The following MDN1 variants were observed in gnomAD, a reference collection of about 807,000 sequenced individuals.
The protein encoded by MDN1 is midasin.
MDN1 carries 266 observed loss-of-function variants against 669.2 expected under a neutral mutation model. The ratio of observed to expected loss-of-function variants is 0.40; its 90% CI spans 0.36 to 0.44. The LOEUF (loss-of-function observed/expected upper bound fraction) is 0.44, where lower values mean the gene tolerates loss of function less well. Among genes scored for constraint, MDN1 ranks in the 20% least tolerant of loss-of-function variants. The pLI, the probability that MDN1 is intolerant of heterozygous loss-of-function variation, is 1.00. For missense variants in MDN1, 5,940 were observed against 6,754.0 expected, an observed-to-expected ratio of 0.88 and a Z score of 4.22; for synonymous variants, 2,385 against 2,457.1, an observed-to-expected ratio of 0.97 and a Z score of 0.87.
chr6:89,676,608 G>A lies in MDN1; in HGVS notation c.12540-401C>T, dbSNP rs538093833. On this transcript the variant is annotated intron_variant, in intron 76 of 101. Transcript: ENST00000369393. Reference sequence around the variant, plus strand: ...GGTTGTTGAGGGCTCAAGTAAGCTGGAGAGCATGTGTCCTATCAAAAGGAG... The same window carrying A: ...GGTTGTTGAGGGCTCAAGTAAGCTGAAGAGCATGTGTCCTATCAAAAGGAG... 1.4e-4 allele frequency among the ~76,000 whole-genome samples: 21 copies of A among 152,322 alleles called. 1 individual carries two copies. The South Asian group carries it at 3.7e-3, about 27-fold the overall frequency.
intron 44 of MDN1, 109 bp from the exon 45 acceptor site, chr6:89,715,878 C>T (rs1251694608): frequency 1.3e-6 from 1 of 746,254 alleles, no homozygotes; most frequent in Non-Finnish European, 2.4e-6. Context: ...CCTTTCGGCA[C>T]AATCATTCAC....
Position 89,683,208 on chromosome 6 carries a change from G to T in MDN1, c.12026C>A (p.Ala4009Glu), listed in dbSNP as rs1434266848. ...ATTCTGAATGGAAGACAGTTCACTT[G>T]CAGCTCCATCTGTTGGCCTGGGCAA... Reference protein sequence around the residue: ...DFLPRPTDGAASELSSIQNLN... With the variant: ...DFLPRPTDGAESELSSIQNLN... The change falls in exon 73 of 102, where the codon GCA becomes GAA. Residue 4009 changes from alanine (A) to glutamate (E), a missense_variant. Physicochemically the swap from Ala to Glu is moderately radical, Grantham distance 107. This residue lies in a region of MDN1 where 2,280 missense variants were observed against 2,576.3 expected (regional missense o/e 0.88). Transcript: ENST00000369393. 1 of 1,614,002 alleles carries T rather than the reference G, an allele frequency of 6.2e-7. No individual in the cohort carries two copies. The highest frequency in any genetic ancestry group is 8.5e-7 in the Non-Finnish European group (1 of 1,180,030).
At chr6:89,737,386 A>T (rs991715772) in intron 33 of MDN1, among the ~76,000 whole-genome samples, 2 of 152,118 alleles carry the variant, frequency 1.3e-5, no homozygotes. Flanking sequence ...CAAGAAGCAG[A>T]TATCTTTTTT....
chr6:89,747,237 G>C, intron 27 of MDN1, 92 bp downstream of exon 27: 1 of 1,409,200 alleles, frequency 7.1e-7, no homozygotes, highest in Non-Finnish European at 9.7e-7. Flanking sequence ...TCAAATGTAT[G>C]TATCAATCAC....
chr6:89,696,910 G>GT, intron 59 of MDN1, among the ~76,000 whole-genome samples: 1 of 152,310 alleles, frequency 6.6e-6, no homozygotes, highest in Middle Eastern at 3.4e-3. Context: ...AGAGACAGAT[G>GT]TAAGAGCCAG....
rs779363474 is a variant in MDN1, at chr6:89,680,720, G to T, written c.12134C>A (p.Ala4045Asp). The change falls in exon 74 of 102, where the codon GCT becomes GAT. Residue 4045 changes from alanine to aspartate, a missense_variant. Coordinates refer to ENST00000369393, the MANE Select transcript of MDN1 (RefSeq NM_014611.3). ...ATIPEWCQGA[A>D]PSGLEGELLR... is the part of the protein sequence containing the mutation. ...AAGCTCCCCTTCCAAGCCGGAAGGA[G>T]CAGCGCCCTGACACCACTCTGGAAT... 1.2e-6 allele frequency: 2 copies of T among 1,614,162 alleles called. No homozygotes were observed. Among genetic ancestry groups the T allele is most frequent in the Non-Finnish European group, 1.7e-6 (2 of 1,180,026 alleles).
At chr6:89,662,679 AAG>A (rs1809883582) in intron 86 of MDN1, 111 bp downstream of exon 86, 5 of 1,241,624 alleles carry the variant, frequency 4.0e-6, no homozygotes, top group African/African-American at 1.5e-5. Flanking sequence ...GAATAGAAAA[AAG>A]AGAACAAAAC....
chr6:89,796,362 A>C (rs541966362), intron 2 of MDN1, among the ~76,000 whole-genome samples: 35 of 149,212 alleles, frequency 2.3e-4, no homozygotes, highest in Non-Finnish European at 4.4e-4. Context: ...AAAAAAAAAA[A>C]CCAAACACTT....
intron 8 of MDN1, among the ~76,000 whole-genome samples, chr6:89,787,416 T>G (rs1400864514): frequency 2.6e-5 from 4 of 152,226 alleles, no homozygotes; most frequent in African/African-American, 9.6e-5. Context: ...CCATCATGGC[T>G]AGCCATTAAC....
chr6:89,700,471 T>C (rs1813077848), intron 56 of MDN1, among the ~76,000 whole-genome samples, 175 bp downstream of exon 56: 1 of 152,182 alleles, frequency 6.6e-6, no homozygotes, highest in South Asian at 2.1e-4. Flanking sequence ...ATGATTCTGA[T>C]GGAATTAAAA....
intron 79 of MDN1, 49 bp downstream of exon 79, chr6:89,674,055 A>G (rs776987906): frequency 6.3e-7 from 1 of 1,590,532 alleles, no homozygotes; most frequent in Non-Finnish European, 8.6e-7. Flanking sequence ...AGATAAGCAC[A>G]ATAAGGACCT....
At chr6:89,795,275 G>T (rs1224630812) in intron 2 of MDN1, among the ~76,000 whole-genome samples, 2 of 152,172 alleles carry the variant, frequency 1.3e-5, no homozygotes, top group Non-Finnish European at 2.9e-5. Context: ...TACTCTTCTT[G>T]AGGAGTTTGC....
At chr6:89,772,489 C>G in intron 14 of MDN1, 84 bp downstream of exon 14, 1 of 1,500,982 alleles carries the variant, frequency 6.7e-7, no homozygotes, top group Non-Finnish European at 9.1e-7. Context: ...ACTCTGTGGT[C>G]TTTGGATTTA....
At chr6:89,733,783 G>A (rs950692794) in intron 33 of MDN1, among the ~76,000 whole-genome samples, 2 of 151,226 alleles carry the variant, frequency 1.3e-5, no homozygotes, top group African/African-American at 2.4e-5. Context: ...ATAAATTCCA[G>A]GTAAATTAAA....
At chr6:89,729,688 T>C (rs1815462883) in intron 35 of MDN1, among the ~76,000 whole-genome samples, 1 of 148,766 alleles carries the variant, frequency 6.7e-6, no homozygotes, top group African/African-American at 2.5e-5. Context: ...TTTTTTTTTT[T>C]TTTTTTTTTT....
chr6:89,734,647 C>A lies in MDN1; in HGVS notation c.4724-1872G>T, dbSNP rs190283759. 3.9e-3 allele frequency among the ~76,000 whole-genome samples: 478 copies of A among 121,312 alleles called. 6 individuals are homozygous for A. The highest frequency in any genetic ancestry group is 0.014 in the African/African-American group (455 of 31,910). 79.6% of individuals were successfully genotyped at this position (121,312 alleles called of 152,430 possible). On this transcript the variant is annotated intron_variant, in intron 33 of 101. Transcript: ENST00000369393. ...TGTACTCCAGCCTGGATGACAGAGC[C>A]AGACATTGTCTCAAAGGAAGAAGAA...
intron 76 of MDN1, among the ~76,000 whole-genome samples, chr6:89,676,924 T>C (rs916994763): frequency 6.6e-5 from 10 of 150,724 alleles, no homozygotes; most frequent in African/African-American, 2.4e-4. Context: ...GAGGAGTGTA[T>C]GTATATAGAG....
chr6:89,785,793 G>A (rs934842240), intron 8 of MDN1, among the ~76,000 whole-genome samples: 3 of 152,164 alleles, frequency 2.0e-5, no homozygotes, highest in African/African-American at 7.2e-5. Flanking sequence ...CGATGTCCCA[G>A]GTCTTTCTGG....
chr6:89,748,316 C>T (rs1816770438), intron 26 of MDN1, among the ~76,000 whole-genome samples: 3 of 152,088 alleles, frequency 2.0e-5, no homozygotes, highest in Admixed American at 1.3e-4. Flanking sequence ...CAGAGTGAGG[C>T]TCTGTCTCAA....
Sources: allele counts gnomAD v4.1 joint callset (sites outside exome capture counted in the v4.1 genomes callset), GRCh38; gene constraint gnomAD v4.1.1; regional missense constraint gnomAD v4.1.1; transcripts MANE v1.5; gene names NCBI Gene and HGNC (gene_info 2026-07-23, HGNC 2026-07-21).